Variants in FCHSD1 observed in about 807,000 individuals in gnomAD.
FCHSD1 encodes FCH and double SH3 domains 1, also known as F-BAR and double SH3 domains protein 1.
FCHSD1 carries 109 observed loss-of-function variants against 101.3 expected under a neutral mutation model. The ratio of observed to expected loss-of-function variants is 1.08; its 90% CI spans 0.92 to 1.26. The LOEUF is 1.26. Among genes scored for constraint, FCHSD1 ranks in the 50% most tolerant of loss-of-function variants. FCHSD1 has a pLI of 0.00. For synonymous variants in FCHSD1, 291 were observed against 356.8 expected (o/e 0.82, Z 2.08); for missense variants, 820 against 895.8 (o/e 0.92, Z 1.08).
intron 2 of FCHSD1, 105 bp from the exon 3 acceptor site, chr5:141,650,509 G>A: frequency 7.4e-7 from 1 of 1,356,862 alleles, no homozygotes; most frequent in South Asian, 1.2e-5. Flanking sequence ...CGGTTGGGGG[G>A]AGCCAGGTTC....
intron 19 of FCHSD1, 57 bp from the exon 20 acceptor site, chr5:141,641,620 A>G (rs1297455489): frequency 1.2e-6 from 2 of 1,606,094 alleles, no homozygotes; most frequent in African/African-American, 1.3e-5. Context: ...ATCCCTGTCT[A>G]TTCCCTCAGC....
intron 14 of FCHSD1, 38 bp from the exon 15 acceptor site, chr5:141,644,980 C>G: frequency 6.2e-7 from 1 of 1,613,908 alleles, no homozygotes; most frequent in Non-Finnish European, 8.5e-7. Context: ...TTGGCTGTCC[C>G]CCACCCTTGC....
In FCHSD1 at chr5:141,648,028, C is replaced by T. The variant is rs371370577; in HGVS notation, c.645G>A (p.Leu215=). The T allele has an allele frequency of 9.9e-6, 16 of 1,613,364 alleles. No individual in the cohort carries two copies. The African/African-American group carries it at 1.6e-4, about 16-fold the overall frequency. Residue 215 remains leucine (L), a synonymous_variant, in exon 8 of 20, where the codon TTG becomes TTA. Coordinates refer to ENST00000435817, the MANE Select transcript of FCHSD1 (RefSeq NM_033449.3). ...QAARNEYLLN[L]VATNAHLDHY... ...GGTCGAGGTGGGCATTGGTAGCCAC[C>T]AAGTTAAGCAGGTACTCATTGCGGG...
In FCHSD1 at chr5:141,639,449, C is replaced by A; in HGVS notation, c.*2049G>T. The A allele has an allele frequency of 1.3e-6, 2 of 1,588,706 alleles. No individual in the cohort carries two copies. Among genetic ancestry groups the A allele is most frequent in the Non-Finnish European group, 1.7e-6 (2 of 1,164,502 alleles). ...TGGAAATGTTACCCTCACTCCCCTCCTCCCTGCTGTCCAGTGTGGATGCCA... is the reference window on the plus strand; with the variant it reads ...TGGAAATGTTACCCTCACTCCCCTCATCCCTGCTGTCCAGTGTGGATGCCA... On this transcript the variant is annotated 3_prime_UTR_variant, in exon 20 of 20. Coordinates refer to ENST00000435817, the MANE Select transcript of FCHSD1 (RefSeq NM_033449.3). This position sits in a 1 kb window ranked among gnomAD's most constrained non-coding sequence, Gnocchi z 4.4.
chr5:141,649,969 A>G lies in FCHSD1; in HGVS notation c.166-15T>C. The G allele has an allele frequency of 2.6e-6, 4 of 1,537,644 alleles. No homozygotes were observed. Among genetic ancestry groups the G allele is most frequent in the South Asian group, 1.2e-5 (1 of 81,426 alleles). On this transcript the variant is annotated splice_polypyrimidine_tract_variant and intron_variant, in intron 3 of 19. Transcript: ENST00000435817. This position sits in a 1 kb window ranked among gnomAD's most constrained non-coding sequence, Gnocchi z 4.1. ...TTCTGGAGTGCCTGGTGAAAAAGCC[A>G]TCACAGAACCAAGTTCCCTTTCAAA...
In FCHSD1 at chr5:141,645,775, GGA is replaced by G. The variant is rs1474921202; in HGVS notation, c.1305_1306del (p.Pro436AsnfsTer3). On this transcript the variant is annotated frameshift_variant, in exon 13 of 20. Transcript: ENST00000435817. LOFTEE classifies it high-confidence loss of function. ...AGTGTTGGGGGAGGAGCTCACGGTT[GGA>G]GAGAGGTCCCTCTGGGACAGCCGAG... 9 of 1,611,650 alleles carry G rather than the reference GGA, an allele frequency of 5.6e-6. No homozygotes were observed. The African/African-American group carries it at 8.0e-5, about 14-fold the overall frequency.
At chr5:141,646,880 C>A (rs545860123) in intron 10 of FCHSD1, among the ~76,000 whole-genome samples, 158 bp from the exon 11 acceptor site, 4 of 152,260 alleles carry the variant, frequency 2.6e-5, no homozygotes, top group Admixed American at 6.5e-5. Context: ...CACAGAGATA[C>A]AGAGCTTCAG....
rs984856507 is a variant in FCHSD1, at chr5:141,651,209, G to A, written c.22-92C>T. The A allele has an allele frequency of 7.6e-5, 114 of 1,491,150 alleles. No homozygotes were observed. In the African/African-American group the frequency reaches 1.5e-3, roughly 20 times the overall value. 92.4% of individuals were successfully genotyped at this position (1,491,150 alleles called of 1,614,324 possible). ...GGTGAGGGGGCGGGGCCGGGGGGGT[G>A]CTGAGCTCTTTCCTCTGTTACTTCT... On this transcript the variant is annotated intron_variant, in intron 1 of 19. Transcript: ENST00000435817.
chr5:141,646,605 G>A lies in FCHSD1; in HGVS notation c.1042C>T (p.Arg348Trp), dbSNP rs1286655902. ...ACACCTGTGCCCCCCCACCTCACCC[G>A]ATGCCCATGGTTCTGGATCTTGTAG... is the stretch of plus-strand genomic sequence containing the variant. ...RDYKIQNHGH[R>W]VLQRLEQRRQ... Residue 348 changes from arginine (R) to tryptophan (W), a missense_variant and splice_region_variant, in exon 11 of 20, where the codon CGG (arginine) becomes TGG (tryptophan). Coordinates refer to ENST00000435817, the MANE Select transcript of FCHSD1 (RefSeq NM_033449.3). 20 of 1,611,606 alleles carry A rather than the reference G, an allele frequency of 1.2e-5. No homozygotes were observed. Among genetic ancestry groups the A allele is most frequent in the Admixed American group, 1.7e-5 (1 of 59,740 alleles).
intron 7 of FCHSD1, 115 bp from the exon 8 acceptor site, chr5:141,648,211 C>T (rs2099907905): frequency 7.8e-7 from 1 of 1,288,712 alleles, no homozygotes; most frequent in Non-Finnish European, 1.0e-6. Flanking sequence ...TTACTATGTG[C>T]CTGGCACTAC....
At chr5:141,645,632 G>A in intron 13 of FCHSD1, 139 bp downstream of exon 13, 1 of 1,030,580 alleles carries the variant, frequency 9.7e-7, no homozygotes, top group South Asian at 1.8e-5. Flanking sequence ...TGCAAAGAAT[G>A]ATATATGATG....
Position 141,649,847 on chromosome 5 carries a change from C to T in FCHSD1, c.233+40G>A. ...GTTCCTGGGGCTGAGCTCCCCATCACTTTTTGGCCTCTGTGGCCCTCCCCC... is the reference window on the plus strand; with the variant it reads ...GTTCCTGGGGCTGAGCTCCCCATCATTTTTTGGCCTCTGTGGCCCTCCCCC... On this transcript the variant is annotated intron_variant, in intron 4 of 19. Coordinates refer to ENST00000435817, the MANE Select transcript of FCHSD1 (RefSeq NM_033449.3). This position sits in a 1 kb window ranked among gnomAD's most constrained non-coding sequence, Gnocchi z 4.1. 6.5e-7 allele frequency: 1 copy of T among 1,539,116 alleles called. No homozygotes were observed. The highest frequency in any genetic ancestry group is 1.4e-5 in the African/African-American group (1 of 72,262).
chr5:141,644,311 TC>T lies in FCHSD1; in HGVS notation c.1769del (p.Gly590GlufsTer73). ...AGACCCCAACACGGCCCCCAAATTCTCCCCTCCAGAAGCCGTCATCTACTCC... is the reference window on the plus strand; with the variant it reads ...AGACCCCAACACGGCCCCCAAATTCTCCCTCCAGAAGCCGTCATCTACTCC... ...QDGVDDGFWR[G>X]EFGGRVGVFP... On this transcript the variant is annotated frameshift_variant, in exon 17 of 20. Transcript: ENST00000435817. LOFTEE classifies it high-confidence loss of function. 2 of 1,613,686 alleles carry T rather than the reference TC, an allele frequency of 1.2e-6. No individual in the cohort carries two copies. Among genetic ancestry groups the T allele is most frequent in the Non-Finnish European group, 1.7e-6 (2 of 1,179,808 alleles).
At position 141,646,113 on chromosome 5, in the gene FCHSD1, C is replaced by T; in HGVS notation, c.1123G>A (p.Val375Met). ...APSIEQRLQE[V>M]RESIRRAQVS... ...TGTGCCCGGCGGATGCTCTCTCGCA[C>T]TTCCTGTAACCTCTGTTCTATGCTT... The change falls in exon 12 of 20, where the codon GTG (valine) becomes ATG (methionine). Residue 375 changes from valine to methionine, a missense_variant. Coordinates refer to ENST00000435817, the MANE Select transcript of FCHSD1 (RefSeq NM_033449.3). 3.1e-6 allele frequency: 5 copies of T among 1,612,424 alleles called. No homozygotes were observed. The highest frequency in any genetic ancestry group is 3.3e-5 in the Admixed American group (2 of 59,870).
chr5:141,642,591 TA>T, intron 18 of FCHSD1: 1 of 549,892 alleles, frequency 1.8e-6, no homozygotes, highest in East Asian at 3.2e-5. Flanking sequence ...CAAAGCTAGG[TA>T]TCTGGACACT....
At chr5:141,650,924 T>C in intron 2 of FCHSD1, 96 bp downstream of exon 2, 1 of 1,216,850 alleles carries the variant, frequency 8.2e-7, no homozygotes, top group Non-Finnish European at 1.2e-6. Flanking sequence ...TGGGGAGCTC[T>C]TGGCCCCTGT....
Position 141,644,904 on chromosome 5 carries a change from C to G in FCHSD1, c.1479G>C (p.Glu493Asp), listed in dbSNP as rs1257111132. 3 of 1,613,962 alleles carry G rather than the reference C, an allele frequency of 1.9e-6. No individual in the cohort carries two copies. The highest frequency in any genetic ancestry group is 2.5e-6 in the Non-Finnish European group (3 of 1,179,898). The change falls in exon 15 of 20, where the codon GAG becomes GAC. Residue 493 changes from glutamate (E) to aspartate (D), a missense_variant. By Grantham distance (45) the Glu-to-Asp change is conservative. Coordinates refer to ENST00000435817, the MANE Select transcript of FCHSD1 (RefSeq NM_033449.3). The stretch of plus-strand genomic sequence containing the variant: ...CTCCCTCCTCTATGACCTCCAGCCA[C>G]TCACCCTCCGTGATTGTCAGCTCAT... ...REDELTITEG[E>D]WLEVIEEGDA...
rs191033860 is a variant in FCHSD1, at chr5:141,641,847, T to C, written c.1952-90A>G. On this transcript the variant is annotated intron_variant, in intron 18 of 19. Transcript: ENST00000435817. Reference sequence around the variant, plus strand: ...TTAGGACAGTGGCATTCTATAAATATTTGTTAAATTAATGGTCACCATCCT... The same window carrying C: ...TTAGGACAGTGGCATTCTATAAATACTTGTTAAATTAATGGTCACCATCCT... 1.4e-4 allele frequency: 179 copies of C among 1,323,810 alleles called. No homozygotes were observed. In the Middle Eastern group the frequency reaches 1.4e-3, roughly 10 times the overall value. The allele number at this position is 1,323,810 out of a possible 1,614,324, so 82.0% of individuals were successfully genotyped here. A position where few individuals can be genotyped will look rare whatever the true frequency, so the allele number is the denominator to read the frequency against.
At chr5:141,648,221 C>T in intron 7 of FCHSD1, 125 bp from the exon 8 acceptor site, 1 of 1,235,148 alleles carries the variant, frequency 8.1e-7, no homozygotes, top group Non-Finnish European at 1.1e-6. Flanking sequence ...CCTGGCACTA[C>T]ACTAAAAATG....
Sources: gnomAD v4.1 joint callset for allele counts (sites outside exome capture counted in the v4.1 genomes callset) on GRCh38, gnomAD v4.1.1 for gene constraint, Gnocchi (gnomAD v3.1) non-coding constraint, MANE v1.5 for transcripts, NCBI Gene and HGNC (gene_info 2026-07-23, HGNC 2026-07-21) for gene names.